The following KLF12 variants were observed in gnomAD, a reference collection of about 807,000 sequenced individuals.
The protein encoded by KLF12 is KLF transcription factor 12.
KLF12 carries 9 observed loss-of-function variants against 37.8 expected under a neutral mutation model. The observed-to-expected ratio is 0.24, with a 90% CI of 0.14 to 0.42. The LOEUF is 0.42. Among genes scored for constraint, KLF12 ranks in the 10% least tolerant of loss-of-function variants. KLF12 has a pLI of 1.00. For missense variants in KLF12, 411 were observed against 516.0 expected, an observed-to-expected ratio of 0.80 and a Z score of 1.97; for synonymous variants, 208 against 202.1, an observed-to-expected ratio of 1.03 and a Z score of -0.25.
Position 73,904,950 on chromosome 13 carries a change from T to A in KLF12, c.123+39031A>T, listed in dbSNP as rs142660117. Among the ~76,000 whole-genome samples, 915 of 113,692 alleles carry A rather than the reference T, an allele frequency of 8.0e-3. 10 individuals carry two copies. Among genetic ancestry groups the A allele is most frequent in the African/African-American group, 0.029 (877 of 30,522 alleles). 74.6% of individuals were successfully genotyped at this position (113,692 alleles called of 152,430 possible). A position where few individuals can be genotyped will look rare whatever the true frequency, so the allele number is the denominator to read the frequency against. ...ACAGTCAGTGGTTGACAGCAACTTATCCTAAGCAAAAAAAAAAAAAATCAT... is the reference window on the plus strand; with the variant it reads ...ACAGTCAGTGGTTGACAGCAACTTAACCTAAGCAAAAAAAAAAAAAATCAT... On this transcript the variant is annotated intron_variant, in intron 3 of 7. Coordinates refer to ENST00000377669, the MANE Select transcript of KLF12 (RefSeq NM_007249.5).
At chr13:73,892,062 C>T (rs1345772782) in intron 3 of KLF12, among the ~76,000 whole-genome samples, 1 of 151,904 alleles carries the variant, frequency 6.6e-6, no homozygotes, top group Non-Finnish European at 1.5e-5. Context: ...AGCTCCTTCA[C>T]AGCAAGTATT....
chr13:74,220,804 T>A, the KLF12 span, among the ~76,000 whole-genome samples: 1 of 152,182 alleles, frequency 6.6e-6, no homozygotes, highest in East Asian at 1.9e-4. Context: ...ACTTAACAGA[T>A]TGTCCTCCAG....
chr13:74,172,322 A>G, the KLF12 span, among the ~76,000 whole-genome samples: 1 of 152,146 alleles, frequency 6.6e-6, no homozygotes, highest in Non-Finnish European at 1.5e-5. Flanking sequence ...GCACAAAAAA[A>G]CCCTTTATTG....
chr13:74,155,971 G>T, the KLF12 span, among the ~76,000 whole-genome samples: 4 of 152,082 alleles, frequency 2.6e-5, no homozygotes, highest in Non-Finnish European at 5.9e-5. Context: ...CAGTGTTTCC[G>T]CATGGCCTGT....
intron 3 of KLF12, among the ~76,000 whole-genome samples, chr13:73,915,896 A>G (rs1888804977): frequency 6.6e-6 from 1 of 151,668 alleles, no homozygotes; most frequent in Non-Finnish European, 1.5e-5. Flanking sequence ...GCTCAATTAC[A>G]TCTTCTCTTT....
chr13:74,002,517 A>G (rs1232498010), intron 1 of KLF12, among the ~76,000 whole-genome samples: 1 of 152,130 alleles, frequency 6.6e-6, no homozygotes, highest in Non-Finnish European at 1.5e-5. Context: ...CTGGGACTAC[A>G]GGCTAGCGCC....
At chr13:74,123,555 CCTAA>C (rs1409504154) in intron 1 of KLF12, among the ~76,000 whole-genome samples, 1 of 152,140 alleles carries the variant, frequency 6.6e-6, no homozygotes, top group Non-Finnish European at 1.5e-5. Flanking sequence ...TGGTAAATGC[CCTAA>C]CTTTCTTCAA....
chr13:74,092,877 C>T (rs1354663208), intron 1 of KLF12, among the ~76,000 whole-genome samples: 1 of 152,132 alleles, frequency 6.6e-6, no homozygotes, highest in Non-Finnish European at 1.5e-5. Flanking sequence ...TGCAAATTGT[C>T]AAAAGTGGCA....
At chr13:73,934,950 A>ATTTAT (rs1889857646) in intron 3 of KLF12, among the ~76,000 whole-genome samples, 1 of 139,588 alleles carries the variant, frequency 7.2e-6, no homozygotes, top group Non-Finnish European at 1.5e-5. Flanking sequence ...ATAGGTTTTT[A>ATTTAT]TTATTTATTT....
chr13:74,204,557 T>A, the KLF12 span, among the ~76,000 whole-genome samples: 1 of 152,220 alleles, frequency 6.6e-6, no homozygotes. Flanking sequence ...AAATCTTTTC[T>A]ATGAAGATCA....
chr13:74,072,705 C>T (rs745351695), intron 1 of KLF12, among the ~76,000 whole-genome samples: 2 of 152,016 alleles, frequency 1.3e-5, no homozygotes, highest in Non-Finnish European at 2.9e-5. Context: ...CAGAGCAAGA[C>T]CCCATTTCTG....
At chr13:74,287,791 C>T in the KLF12 span, among the ~76,000 whole-genome samples, 1 of 152,160 alleles carries the variant, frequency 6.6e-6, no homozygotes, top group East Asian at 1.9e-4. Flanking sequence ...CAATTTCTTT[C>T]TGAGCCAACA....
intron 2 of KLF12, among the ~76,000 whole-genome samples, chr13:73,987,163 T>A (rs553733908): frequency 9.2e-5 from 14 of 152,244 alleles, no homozygotes; most frequent in Non-Finnish European, 1.9e-4. Flanking sequence ...GAAAAACTGA[T>A]TACGTGTAAG....
the KLF12 span, among the ~76,000 whole-genome samples, chr13:74,144,955 A>G: frequency 2.0e-5 from 3 of 152,252 alleles, no homozygotes; most frequent in South Asian, 2.1e-4. Flanking sequence ...GCTTTATTAC[A>G]CTACCCACCC....
chr13:74,263,019 C>T, the KLF12 span, among the ~76,000 whole-genome samples: 1 of 151,956 alleles, frequency 6.6e-6, no homozygotes, highest in African/African-American at 2.4e-5. Flanking sequence ...AAATGTCAGC[C>T]TCAGAGCTAA....
intron 6 of KLF12, among the ~76,000 whole-genome samples, chr13:73,756,326 G>T (rs1480398034): frequency 6.6e-6 from 1 of 152,032 alleles, no homozygotes; most frequent in Non-Finnish European, 1.5e-5. Flanking sequence ...ACGTATGTTT[G>T]GTTTTAAAGG....
the KLF12 span, among the ~76,000 whole-genome samples, chr13:74,200,223 T>C: frequency 6.6e-6 from 1 of 152,112 alleles, no homozygotes; most frequent in Non-Finnish European, 1.5e-5. Flanking sequence ...CCTAATTGGA[T>C]TCTTTTAGCC....
chr13:73,810,050 A>G (rs1882844569), intron 5 of KLF12, among the ~76,000 whole-genome samples: 3 of 152,134 alleles, frequency 2.0e-5, no homozygotes, highest in Admixed American at 1.3e-4. Flanking sequence ...GTTCGAGACC[A>G]ACTGGCCAAC....
At chr13:73,908,418 C>A (rs1399845527) in intron 3 of KLF12, among the ~76,000 whole-genome samples, 10 of 146,848 alleles carry the variant, frequency 6.8e-5, no homozygotes, top group East Asian at 2.0e-4. Context: ...AAAAAACAAA[C>A]AAACAAAAAA....
Sources: gnomAD v4.1 joint callset for allele counts (sites outside exome capture counted in the v4.1 genomes callset) on GRCh38, gnomAD v4.1.1 for gene constraint, MANE v1.5 for transcripts, NCBI Gene and HGNC (gene_info 2026-07-23, HGNC 2026-07-21) for gene names.